Variants in ADCY8 observed in about 807,000 individuals in gnomAD.
The protein encoded by ADCY8 is adenylate cyclase type 8.
Under a neutral mutation model 119.7 loss-of-function variants are expected in ADCY8, and 51 were observed. That is an observed-to-expected ratio of 0.43 (90% CI 0.34 to 0.54). ADCY8 has a LOEUF of 0.54. ADCY8 is among the 20% of genes least tolerant of loss of function. ADCY8 has a pLI of 0.03. For synonymous variants in ADCY8, 665 were observed against 651.0 expected (o/e 1.02, Z -0.33); for missense variants, 1,383 against 1,598.8 (o/e 0.87, Z 2.30).
chr8:130,869,526 G>GTTTTTTGT (rs1818255089), intron 8 of ADCY8, among the ~76,000 whole-genome samples: 1 of 114,628 alleles, frequency 8.7e-6, no homozygotes, highest in Non-Finnish European at 1.9e-5. Context: ...TTGTTTTTTT[G>GTTTTTTGT]TTTTTTTTTG....
At position 131,040,448 on chromosome 8, in the gene ADCY8, G is replaced by T; in HGVS notation, c.-115C>A. On this transcript the variant is annotated 5_prime_UTR_variant, in exon 1 of 18. Coordinates refer to ENST00000286355, the MANE Select transcript of ADCY8 (RefSeq NM_001115.3). ...CTTGGCAAGGATCCTTTTTATCCTA[G>T]GCTGCCCCGTTGCAGGAGCCCTGCG... The T allele has an allele frequency of 7.7e-7, 1 of 1,296,760 alleles. No individual in the cohort carries two copies. The highest frequency in any genetic ancestry group is 9.9e-7 in the Non-Finnish European group (1 of 1,007,648). The allele number at this position is 1,296,760 out of a possible 1,614,324, so 80.3% of individuals were successfully genotyped here.
intron 9 of ADCY8, among the ~76,000 whole-genome samples, chr8:130,853,760 A>G (rs952574626): frequency 6.6e-6 from 1 of 151,970 alleles, no homozygotes; most frequent in African/African-American, 2.4e-5. Context: ...AAGGGAGGTG[A>G]AAGACAGGCC....
At chr8:130,867,518 T>C (rs1307082272) in intron 9 of ADCY8, among the ~76,000 whole-genome samples, 1 of 152,132 alleles carries the variant, frequency 6.6e-6, no homozygotes, top group Non-Finnish European at 1.5e-5. Flanking sequence ...GAATGAATTA[T>C]ACTAACAAAA....
chr8:130,975,382 C>T (rs1822041988), intron 2 of ADCY8, among the ~76,000 whole-genome samples: 1 of 152,194 alleles, frequency 6.6e-6, no homozygotes, highest in East Asian at 1.9e-4. Context: ...ATGTGACAGG[C>T]TCTGAATGTG....
intron 1 of ADCY8, among the ~76,000 whole-genome samples, chr8:131,018,721 G>C: frequency 6.6e-6 from 1 of 152,220 alleles, no homozygotes; most frequent in African/African-American, 2.4e-5. Context: ...TGGAAGTTTA[G>C]TGATTTGCCA....
At chr8:130,791,937 C>T (rs1815437737) in intron 15 of ADCY8, among the ~76,000 whole-genome samples, 1 of 152,208 alleles carries the variant, frequency 6.6e-6, no homozygotes, top group Non-Finnish European at 1.5e-5. Context: ...TCTTTCTTGA[C>T]ATCACTTTCC....
chr8:130,787,712 G>A (rs985213671), intron 15 of ADCY8, among the ~76,000 whole-genome samples: 1 of 149,976 alleles, frequency 6.7e-6, no homozygotes, highest in African/African-American at 2.5e-5. Flanking sequence ...ATGCATTTGT[G>A]TGAGTATGCA....
chr8:131,019,041 C>T (rs1161003244), intron 1 of ADCY8, among the ~76,000 whole-genome samples: 1 of 152,082 alleles, frequency 6.6e-6, no homozygotes, highest in African/African-American at 2.4e-5. Context: ...CAAAACACTA[C>T]AGAAATGCCA....
intron 5 of ADCY8, among the ~76,000 whole-genome samples, chr8:130,913,663 T>A (rs1171720954): frequency 1.3e-5 from 2 of 151,016 alleles, no homozygotes; most frequent in African/African-American, 4.9e-5. Context: ...CACACCCCCC[T>A]CCTGTAATAA....
rs148073984 is a variant in ADCY8, at chr8:130,806,464, G to T, written c.2914-5892C>A. Among the ~76,000 whole-genome samples, 203 of 152,248 alleles carry T rather than the reference G, an allele frequency of 1.3e-3. 2 individuals carry two copies. The highest frequency in any genetic ancestry group is 4.6e-3 in the African/African-American group (192 of 41,552). ...ATTCAGATCAAGATGATTCAGGAAG[G>T]GTTAACTGATAAAGGGCTTAATTAG... On this transcript the variant is annotated intron_variant, in intron 14 of 17. Coordinates refer to ENST00000286355, the MANE Select transcript of ADCY8 (RefSeq NM_001115.3).
chr8:131,003,698 G>T (rs1374104887), intron 1 of ADCY8, among the ~76,000 whole-genome samples: 2 of 152,194 alleles, frequency 1.3e-5, no homozygotes, highest in Non-Finnish European at 2.9e-5. Context: ...GAGCTAGTAA[G>T]TGGTACTAGG....
intron 8 of ADCY8, among the ~76,000 whole-genome samples, chr8:130,882,082 A>ATG (rs1008830000): frequency 6.9e-6 from 1 of 144,124 alleles, no homozygotes; most frequent in African/African-American, 2.6e-5. Context: ...GTGTGTGTGT[A>ATG]TGTGTGTGTG....
intron 2 of ADCY8, among the ~76,000 whole-genome samples, chr8:130,961,726 G>C (rs193073394): frequency 1.5e-3 from 225 of 152,204 alleles, no homozygotes; most frequent in African/African-American, 5.2e-3. Flanking sequence ...AGGATCCTCA[G>C]CAACTTCCTC....
At chr8:130,929,861 A>G (rs1367990563) in intron 5 of ADCY8, among the ~76,000 whole-genome samples, 1 of 152,206 alleles carries the variant, frequency 6.6e-6, no homozygotes, top group Non-Finnish European at 1.5e-5. Flanking sequence ...CCACTTGCTG[A>G]ATCATCCCTT....
intron 1 of ADCY8, among the ~76,000 whole-genome samples, chr8:131,031,699 T>G (rs79655392): frequency 6.6e-6 from 1 of 152,308 alleles, no homozygotes; most frequent in African/African-American, 2.4e-5. Context: ...CATCTTACAT[T>G]GCAACAAAAA....
At position 130,814,057 on chromosome 8, in the gene ADCY8, C is replaced by A; in HGVS notation, c.2913+12G>T. 6.2e-7 allele frequency: 1 copy of A among 1,613,958 alleles called. No individual in the cohort carries two copies. Among genetic ancestry groups the A allele is most frequent in the Non-Finnish European group, 8.5e-7 (1 of 1,179,972 alleles). ...CACCCTTTCTCACTGGCTAGACCAG[C>A]CCCTGGCTCACCTCATTGTCTCGGT... On this transcript the variant is annotated intron_variant, in intron 14 of 17. Transcript: ENST00000286355.
chr8:130,798,717 G>T (rs1411177063), intron 15 of ADCY8, among the ~76,000 whole-genome samples: 1 of 152,174 alleles, frequency 6.6e-6, no homozygotes, highest in Non-Finnish European at 1.5e-5. Flanking sequence ...AATATGGTCT[G>T]AATCAAGGTA....
intron 5 of ADCY8, among the ~76,000 whole-genome samples, chr8:130,912,175 TTC>T (rs1202210061): frequency 6.6e-6 from 1 of 152,208 alleles, no homozygotes; most frequent in Non-Finnish European, 1.5e-5. Context: ...CTTCCCTGTG[TTC>T]TCATTGCATC....
At chr8:130,948,512 A>C (rs1484019349) in intron 3 of ADCY8, among the ~76,000 whole-genome samples, 8 of 152,190 alleles carry the variant, frequency 5.3e-5, no homozygotes, top group Non-Finnish European at 1.5e-5. Context: ...ACCCCAGCCC[A>C]CGTGGGCACA....
Sources: gnomAD v4.1 joint callset for allele counts (sites outside exome capture counted in the v4.1 genomes callset) on GRCh38, gnomAD v4.1.1 for gene constraint, MANE v1.5 for transcripts, NCBI Gene and HGNC (gene_info 2026-07-23, HGNC 2026-07-21) for gene names.